Variants in AGPAT4 observed in about 807,000 individuals in gnomAD.
The protein encoded by AGPAT4 is 1-acylglycerol-3-phosphate O-acyltransferase 4.
In AGPAT4, 15 loss-of-function variants were observed where a neutral mutation model predicts 48.0. The ratio of observed to expected loss-of-function variants is 0.31; its 90% CI spans 0.21 to 0.48. The LOEUF (loss-of-function observed/expected upper bound fraction) is 0.48. Among genes scored for constraint, AGPAT4 ranks in the 20% least tolerant of loss-of-function variants. The probability of loss-of-function intolerance (pLI) is 0.99; values close to 1 mark genes in which losing one functional copy is unlikely to be tolerated. For synonymous variants in AGPAT4, 178 were observed against 198.7 expected (o/e 0.90, Z 0.88); for missense variants, 314 against 482.5 (o/e 0.65, Z 3.27).
chr6:161,248,793 C>T (rs1370827172), intron 1 of AGPAT4, among the ~76,000 whole-genome samples: 2 of 152,106 alleles, frequency 1.3e-5, no homozygotes, highest in African/African-American at 4.8e-5. Context: ...CTACCAATGA[C>T]ATTCTTCACA....
chr6:161,219,938 G>GA lies in AGPAT4; in HGVS notation c.178+12097_178+12098insT, dbSNP rs1562344001. Among the ~76,000 whole-genome samples, 6 of 145,922 alleles carry GA rather than the reference G, an allele frequency of 4.1e-5. No individual in the cohort carries two copies. Among genetic ancestry groups the GA allele is most frequent in the African/African-American group, 1.4e-4 (5 of 36,452 alleles). ...AGGCGGCAGGCAGGCAGGCAGGCAG[G>GA]CAGGCAGGCAGACAGACAGACAGAC... is the stretch of plus-strand genomic sequence containing the variant. On this transcript the variant is annotated intron_variant, in intron 2 of 8. Coordinates refer to ENST00000320285, the MANE Select transcript of AGPAT4 (RefSeq NM_020133.3). This position sits in a 1 kb window ranked among gnomAD's most constrained non-coding sequence, Gnocchi z 4.9.
intron 2 of AGPAT4, among the ~76,000 whole-genome samples, chr6:161,209,735 G>A (rs1781474365): frequency 1.3e-5 from 2 of 152,150 alleles, no homozygotes; most frequent in South Asian, 4.2e-4. Flanking sequence ...CCAGCTTTCG[G>A]AACAGTATGT....
intron 2 of AGPAT4, among the ~76,000 whole-genome samples, chr6:161,174,625 G>A (rs1487340200): frequency 6.6e-6 from 1 of 152,124 alleles, no homozygotes; most frequent in Non-Finnish European, 1.5e-5. Flanking sequence ...TTTCCTAACT[G>A]AATACCCTTT....
At chr6:161,205,386 T>C (rs970984644) in intron 2 of AGPAT4, among the ~76,000 whole-genome samples, 2 of 152,124 alleles carry the variant, frequency 1.3e-5, no homozygotes, top group Non-Finnish European at 2.9e-5. Flanking sequence ...GGTTAGAGTG[T>C]TCCTTTCCTG....
chr6:161,193,591 T>C (rs1401055273), intron 2 of AGPAT4, among the ~76,000 whole-genome samples: 1 of 152,192 alleles, frequency 6.6e-6, no homozygotes, highest in African/African-American at 2.4e-5. Context: ...TGTGGGGTGA[T>C]CAACCTTCCT....
chr6:161,208,467 G>T lies in AGPAT4; in HGVS notation c.178+23569C>A, dbSNP rs1293309568. Among the ~76,000 whole-genome samples the T allele has an allele frequency of 1.7e-5, 2 of 119,272 alleles. No homozygotes were observed. Among genetic ancestry groups the T allele is most frequent in the Non-Finnish European group, 3.3e-5 (2 of 59,950 alleles). 78.2% of individuals were successfully genotyped at this position (119,272 alleles called of 152,430 possible). On this transcript the variant is annotated intron_variant, in intron 2 of 8. Transcript: ENST00000320285. This position sits in a 1 kb window ranked among gnomAD's most constrained non-coding sequence, Gnocchi z 4.6. ...GCACACACACCCACCCCCAACATCT[G>T]CAGGTTTAAGCATTTTTTTTTTCCA...
chr6:161,152,588 C>T (rs1486949245), intron 5 of AGPAT4, among the ~76,000 whole-genome samples: 1 of 152,124 alleles, frequency 6.6e-6, no homozygotes, highest in Admixed American at 6.5e-5. Context: ...GGGCCCCCTG[C>T]CCTTTGCCTC....
chr6:161,162,336 A>G (rs75667153), intron 3 of AGPAT4, among the ~76,000 whole-genome samples: 15,449 of 152,270 alleles, frequency 0.1, 1,119 homozygotes, highest in African/African-American at 0.21. Context: ...ATGGATAGAA[A>G]GGATGGGAGG....
rs967752864 is a variant in AGPAT4, at chr6:161,264,064, G to T, written c.-90+9874C>A. On this transcript the variant is annotated intron_variant, in intron 1 of 8. Coordinates refer to ENST00000320285, the MANE Select transcript of AGPAT4 (RefSeq NM_020133.3). This position sits in a 1 kb window ranked among gnomAD's most constrained non-coding sequence, Gnocchi z 6.8. The stretch of plus-strand genomic sequence containing the variant: ...CTGAAATGAGGTGTTATACAAAGCA[G>T]ACAGCTTCTAGTAAGTGCTGCGTAA... Among the ~76,000 whole-genome samples, 1 of 152,128 alleles carries T rather than the reference G, an allele frequency of 6.6e-6. No individual in the cohort carries two copies. The highest frequency in any genetic ancestry group is 1.5e-5 in the Non-Finnish European group (1 of 68,022).
intron 1 of AGPAT4, among the ~76,000 whole-genome samples, chr6:161,258,053 A>G (rs775259606): frequency 1.3e-5 from 2 of 152,206 alleles, no homozygotes; most frequent in Non-Finnish European, 2.9e-5. Flanking sequence ...CTACGTTAAA[A>G]CACTTGGAAG....
At position 161,172,484 on chromosome 6, in the gene AGPAT4, A is replaced by T. The variant is rs1165323191; in HGVS notation, c.179-6067T>A. Among the ~76,000 whole-genome samples, 3 of 152,220 alleles carry T rather than the reference A, an allele frequency of 2.0e-5. 1 individual carries two copies. The highest frequency in any genetic ancestry group is 4.4e-5 in the Non-Finnish European group (3 of 68,038). ...GGAATCCCAGAGAGCCAGGGGCACCAAAGAAGCCTGTCCCTAGCCAGGACG... is the reference window on the plus strand; with the variant it reads ...GGAATCCCAGAGAGCCAGGGGCACCTAAGAAGCCTGTCCCTAGCCAGGACG... On this transcript the variant is annotated intron_variant, in intron 2 of 8. Coordinates refer to ENST00000320285, the MANE Select transcript of AGPAT4 (RefSeq NM_020133.3).
Position 161,133,292 on chromosome 6 carries a change from TC to T in AGPAT4, c.*3247del, listed in dbSNP as rs904485743. 1 of 152,242 alleles carries T rather than the reference TC, an allele frequency of 6.6e-6. No individual in the cohort carries two copies. The allele number at this position is 152,242 out of a possible 1,614,324, so 9.4% of individuals were successfully genotyped here. A position where few individuals can be genotyped will look rare whatever the true frequency, so the allele number is the denominator to read the frequency against. On this transcript the variant is annotated 3_prime_UTR_variant, in exon 9 of 9. Transcript: ENST00000320285. ...ACAATTAATGACATTTAAATCACTGTCCCACATATGGATATATTAGAAAAAC... is the reference window on the plus strand; with the variant it reads ...ACAATTAATGACATTTAAATCACTGTCCACATATGGATATATTAGAAAAAC...
Position 161,215,707 on chromosome 6 carries a change from T to TAAA in AGPAT4, c.178+16326_178+16328dup, listed in dbSNP as rs71542999. Among the ~76,000 whole-genome samples the TAAA allele has an allele frequency of 8.0e-6, 1 of 124,874 alleles. No homozygotes were observed. The highest frequency in any genetic ancestry group is 3.0e-5 in the African/African-American group (1 of 33,614). 81.9% of individuals were successfully genotyped at this position (124,874 alleles called of 152,430 possible). ...CACAGTAGAATAACCTCCCTTACCA[T>TAAA]AAAAAAAAAAAAAAAGAAAACACAA... On this transcript the variant is annotated intron_variant, in intron 2 of 8. Coordinates refer to ENST00000320285, the MANE Select transcript of AGPAT4 (RefSeq NM_020133.3). This position sits in a 1 kb window ranked among gnomAD's most constrained non-coding sequence, Gnocchi z 4.5.
intron 2 of AGPAT4, among the ~76,000 whole-genome samples, chr6:161,187,824 G>T (rs1466771242): frequency 6.6e-6 from 1 of 152,142 alleles, no homozygotes; most frequent in Non-Finnish European, 1.5e-5. Context: ...GCTTACAGGC[G>T]TGAGCCACCG....
chr6:161,242,588 C>T lies in AGPAT4; in HGVS notation c.-89-10286G>A, dbSNP rs143754465. Among the ~76,000 whole-genome samples the T allele has an allele frequency of 2.2e-3, 337 of 152,198 alleles. 2 individuals are homozygous for T. Among genetic ancestry groups the T allele is most frequent in the Non-Finnish European group, 4.0e-3 (272 of 68,034 alleles). On this transcript the variant is annotated intron_variant, in intron 1 of 8. Coordinates refer to ENST00000320285, the MANE Select transcript of AGPAT4 (RefSeq NM_020133.3). This position sits in a 1 kb window ranked among gnomAD's most constrained non-coding sequence, Gnocchi z 5.0. ...AGCTGGCTAGATGCATTTCCAACAACCGAGGGTGTATGAGCTATTTTAAAC... is the reference window on the plus strand; with the variant it reads ...AGCTGGCTAGATGCATTTCCAACAATCGAGGGTGTATGAGCTATTTTAAAC...
intron 8 of AGPAT4, among the ~76,000 whole-genome samples, chr6:161,136,971 GA>G (rs771447460): frequency 5.6e-4 from 85 of 152,190 alleles, no homozygotes; most frequent in Non-Finnish European, 1.0e-3. Context: ...ATTCTTTTGT[GA>G]ATAAGGGACA....
At position 161,242,145 on chromosome 6, in the gene AGPAT4, T is replaced by C. The variant is rs1338977656; in HGVS notation, c.-89-9843A>G. Among the ~76,000 whole-genome samples, 1 of 152,184 alleles carries C rather than the reference T, an allele frequency of 6.6e-6. No individual in the cohort carries two copies. Among genetic ancestry groups the C allele is most frequent in the Non-Finnish European group, 1.5e-5 (1 of 68,030 alleles). On this transcript the variant is annotated intron_variant, in intron 1 of 8. Transcript: ENST00000320285. The surrounding 1 kb of genome is among the most constrained non-coding windows in gnomAD (Gnocchi z 5.0). Reference sequence around the variant, plus strand: ...CCCATTAGTTCTCACAAAAACCCACTATGAAAGGTATTGCCATTCTCACAT... The same window carrying C: ...CCCATTAGTTCTCACAAAAACCCACCATGAAAGGTATTGCCATTCTCACAT...
At position 161,198,674 on chromosome 6, in the gene AGPAT4, C is replaced by T. The variant is rs1781135083; in HGVS notation, c.179-32257G>A. ...GCTGTGCCTCGGTTTCCTCATCTGT[C>T]ATGGTTGTTATTAGGTTTAAATAAG... On this transcript the variant is annotated intron_variant, in intron 2 of 8. Transcript: ENST00000320285. The surrounding 1 kb of genome is among the most constrained non-coding windows in gnomAD (Gnocchi z 4.3). 6.6e-6 allele frequency among the ~76,000 whole-genome samples: 1 copy of T among 152,188 alleles called. No individual in the cohort carries two copies. The highest frequency in any genetic ancestry group is 1.5e-5 in the Non-Finnish European group (1 of 68,038).
In AGPAT4 at chr6:161,223,482, A is replaced by C. The variant is rs1465482306; in HGVS notation, c.178+8554T>G. Among the ~76,000 whole-genome samples the C allele has an allele frequency of 6.6e-6, 1 of 152,200 alleles. No homozygotes were observed. The highest frequency in any genetic ancestry group is 6.5e-5 in the Admixed American group (1 of 15,284). On this transcript the variant is annotated intron_variant, in intron 2 of 8. Coordinates refer to ENST00000320285, the MANE Select transcript of AGPAT4 (RefSeq NM_020133.3). This position sits in a 1 kb window ranked among gnomAD's most constrained non-coding sequence, Gnocchi z 6.3. ...AGTCATCCAACCTCTCGCCTCATTT[A>C]ACAGGTGAATTGCCTGTTCACATAG...
Sources: allele counts gnomAD v4.1 joint callset (sites outside exome capture counted in the v4.1 genomes callset), GRCh38; gene constraint gnomAD v4.1.1; non-coding constraint Gnocchi (gnomAD v3.1); transcripts MANE v1.5; gene names NCBI Gene and HGNC (gene_info 2026-07-23, HGNC 2026-07-21).